SCG2: variants seen among roughly 807,000 people sequenced by gnomAD.
The protein encoded by SCG2 is secretogranin II.
Under a neutral mutation model 49.5 loss-of-function variants are expected in SCG2, and 23 were observed. That is an observed-to-expected ratio of 0.46 (90% CI 0.33 to 0.66). The LOEUF (loss-of-function observed/expected upper bound fraction) is 0.66, where lower values mean the gene tolerates loss of function less well. Ranked by LOEUF, SCG2 falls within the 30% of genes least tolerant of loss-of-function variation. SCG2 has a pLI of 0.01. For synonymous variants in SCG2, 288 were observed against 260.4 expected, an observed-to-expected ratio of 1.11 and a Z score of -1.02; for missense variants, 730 against 728.2, an observed-to-expected ratio of 1.00 and a Z score of -0.03.
Position 223,598,738 on chromosome 2 carries a change from G to C in SCG2, c.545C>G (p.Thr182Arg). ...ENSRDNPFKR[T>R]NEIVEEQYTP... ...ATATTGTTCCTCCACTATTTCATTT[G>C]TGCGTTTAAAGGGGTTATCCCTGGA... The change falls in exon 2 of 2, where the codon ACA (threonine) becomes AGA (arginine). Residue 182 changes from threonine (T) to arginine (R), a missense_variant. By Grantham distance (71) the Thr-to-Arg change is moderately conservative. Transcript: ENST00000305409. 3 of 1,613,736 alleles carry C rather than the reference G, an allele frequency of 1.9e-6. No homozygotes were observed. The highest frequency in any genetic ancestry group is 2.5e-6 in the Non-Finnish European group (3 of 1,180,032).
chr2:223,597,259 T>C lies in SCG2; in HGVS notation c.*170A>G, dbSNP rs529566534. The stretch of plus-strand genomic sequence containing the variant: ...CATTTACACATATCCATACACAAGA[T>C]AACAGCTCAGAGGAAATGAAGCAGA... On this transcript the variant is annotated 3_prime_UTR_variant, in exon 2 of 2. Transcript: ENST00000305409. 4 of 728,418 alleles carry C rather than the reference T, an allele frequency of 5.5e-6. No homozygotes were observed. The South Asian group carries it at 8.0e-5, about 15-fold the overall frequency. The allele number at this position is 728,418 out of a possible 1,614,324, so 45.1% of individuals were successfully genotyped here.
At chr2:223,600,785 T>C (rs1333558995) in intron 1 of SCG2, among the ~76,000 whole-genome samples, 1 of 152,124 alleles carries the variant, frequency 6.6e-6, no homozygotes, top group East Asian at 1.9e-4. Context: ...ACTTAATTTA[T>C]TGAAAGAAAC....
At position 223,598,034 on chromosome 2, in the gene SCG2, T is replaced by C. The variant is rs760502848; in HGVS notation, c.1249A>G (p.Lys417Glu). 3.1e-6 allele frequency: 5 copies of C among 1,611,152 alleles called. No individual in the cohort carries two copies. In the Admixed American group the frequency reaches 5.0e-5, roughly 16 times the overall value. ...NRMLSKSGYPKTPGRAGTEAL... is the reference protein window; with the variant it reads ...NRMLSKSGYPETPGRAGTEAL... Reference sequence around the variant, plus strand: ...TCAGTCCCAGCACGACCAGGTGTTTTAGGGTAGCCACTCTTGGAGAGCATC... The same window carrying C: ...TCAGTCCCAGCACGACCAGGTGTTTCAGGGTAGCCACTCTTGGAGAGCATC... Residue 417 changes from lysine to glutamate, a missense_variant, in exon 2 of 2, where the codon AAA becomes GAA. Lys to Glu is a moderately conservative substitution (Grantham distance 56). Coordinates refer to ENST00000305409, the MANE Select transcript of SCG2 (RefSeq NM_003469.5).
rs762257719 is a variant in SCG2, at chr2:223,598,746, A to C, written c.537T>G (p.Phe179Leu). ...MYEENSRDNP[F>L]KRTNEIVEEQ... ...CCTCCACTATTTCATTTGTGCGTTT[A>C]AAGGGGTTATCCCTGGAATTCTCTT... Residue 179 changes from phenylalanine to leucine, a missense_variant, in exon 2 of 2, where the codon TTT (phenylalanine) becomes TTG (leucine). Phe to Leu is a conservative substitution (Grantham distance 22). Coordinates refer to ENST00000305409, the MANE Select transcript of SCG2 (RefSeq NM_003469.5). 18 of 1,613,702 alleles carry C rather than the reference A, an allele frequency of 1.1e-5. 1 individual carries two copies. Among genetic ancestry groups the C allele is most frequent in the Non-Finnish European group, 1.5e-5 (18 of 1,180,026 alleles).
Position 223,598,336 on chromosome 2 carries a change from C to A in SCG2, c.947G>T (p.Arg316Met), listed in dbSNP as rs528005767. The A allele has an allele frequency of 2.5e-6, 4 of 1,614,074 alleles. No individual in the cohort carries two copies. Among genetic ancestry groups the A allele is most frequent in the Non-Finnish European group, 3.4e-6 (4 of 1,180,040 alleles). Reference protein sequence around the residue: ...DVSKVIAYLKRLVNAAGSGRL... With the variant: ...DVSKVIAYLKMLVNAAGSGRL... ...CCCACTTCCTGCAGCATTTACTAAC[C>A]TTTTCAAATAGGCAATTACTTTGGA... Residue 316 changes from arginine (R) to methionine (M), a missense_variant, in exon 2 of 2, where the codon AGG becomes ATG. By Grantham distance (91) the Arg-to-Met change is moderately conservative. Transcript: ENST00000305409.
intron 1 of SCG2, among the ~76,000 whole-genome samples, chr2:223,600,243 T>A (rs1457087592): frequency 1.3e-5 from 2 of 152,182 alleles, no homozygotes; most frequent in African/African-American, 4.8e-5. Context: ...GTGTTCAGAT[T>A]CAGTTTGTCT....
chr2:223,599,704 G>A (rs1691360554), intron 1 of SCG2, among the ~76,000 whole-genome samples: 3 of 152,130 alleles, frequency 2.0e-5, no homozygotes, highest in African/African-American at 4.8e-5. Context: ...GCAAAATAAT[G>A]TGTTGGCTTA....
At chr2:223,600,127 A>C (rs757548643) in intron 1 of SCG2, among the ~76,000 whole-genome samples, 1 of 152,154 alleles carries the variant, frequency 6.6e-6, no homozygotes, top group Non-Finnish European at 1.5e-5. Flanking sequence ...GCAAAATGCA[A>C]TTGTGGTTAT....
Position 223,597,149 on chromosome 2 carries a change from C to T in SCG2, c.*280G>A. 3.6e-6 allele frequency: 1 copy of T among 274,854 alleles called. No homozygotes were observed. The highest frequency in any genetic ancestry group is 4.8e-5 in the Admixed American group (1 of 20,766). The allele number at this position is 274,854 out of a possible 1,614,324, so 17.0% of individuals were successfully genotyped here. ...TCATATGTGAGCATCAACAATGCCA[C>T]AGCCATTAGATATACTATTAAACAC... On this transcript the variant is annotated 3_prime_UTR_variant, in exon 2 of 2. Coordinates refer to ENST00000305409, the MANE Select transcript of SCG2 (RefSeq NM_003469.5).
Position 223,598,547 on chromosome 2 carries a change from C to T in SCG2, c.736G>A (p.Gly246Arg), listed in dbSNP as rs750106930. The T allele has an allele frequency of 1.1e-5, 18 of 1,613,882 alleles. No homozygotes were observed. The highest frequency in any genetic ancestry group is 5.3e-5 in the African/African-American group (4 of 74,908). The change falls in exon 2 of 2, where the codon GGG becomes AGG. Residue 246 changes from glycine (G) to arginine (R), a missense_variant. Transcript: ENST00000305409. ...ANNIAYEDVV[G>R]GEDWNPVEEK... ...TCTACTGGGTTCCAGTCTTCTCCCC[C>T]GACCACATCTTCATAGGCAATGTTA...
Position 223,599,235 on chromosome 2 carries a change from G to A in SCG2, c.48C>T (p.Ile16=), listed in dbSNP as rs768170285. 1 of 1,605,186 alleles carries A rather than the reference G, an allele frequency of 6.2e-7. No individual in the cohort carries two copies. Among genetic ancestry groups the A allele is most frequent in the Non-Finnish European group, 8.5e-7 (1 of 1,172,432 alleles). The change falls in exon 2 of 2, where the codon ATC becomes ATT. Residue 16 remains isoleucine (I), a synonymous_variant. Transcript: ENST00000305409. ...THWLGAALSL[I]PLIFLISGAE... ...CCCCAGAGATGAGGAAAATTAAAGGGATAAGAGACAGGGCTGCTCCAAGCC... is the reference window on the plus strand; with the variant it reads ...CCCCAGAGATGAGGAAAATTAAAGGAATAAGAGACAGGGCTGCTCCAAGCC...
In SCG2 at chr2:223,598,524, T is replaced by C; in HGVS notation, c.759A>G (p.Val253=). ...DVVGGEDWNP[V]EEKIESQTQE... ...GGGTTTGACTCTCTATTTTCTCCTC[T>C]ACTGGGTTCCAGTCTTCTCCCCCGA... Residue 253 remains valine, a synonymous_variant, in exon 2 of 2, where the codon GTA becomes GTG. Coordinates refer to ENST00000305409, the MANE Select transcript of SCG2 (RefSeq NM_003469.5). 1 of 1,614,016 alleles carries C rather than the reference T, an allele frequency of 6.2e-7. No individual in the cohort carries two copies. The highest frequency in any genetic ancestry group is 8.5e-7 in the Non-Finnish European group (1 of 1,180,028).
chr2:223,597,723 A>C lies in SCG2; in HGVS notation c.1560T>G (p.Asn520Lys). 1 of 1,614,126 alleles carries C rather than the reference A, an allele frequency of 6.2e-7. No individual in the cohort carries two copies. Among genetic ancestry groups the C allele is most frequent in the Non-Finnish European group, 8.5e-7 (1 of 1,180,026 alleles). Residue 520 changes from asparagine to lysine, a missense_variant, in exon 2 of 2, where the codon AAT (asparagine) becomes AAG (lysine). Coordinates refer to ENST00000305409, the MANE Select transcript of SCG2 (RefSeq NM_003469.5). ...RMLVKYPEII[N>K]SNQVKRVPGQ... ...CAGGAACTCGCTTCACTTGGTTTGA[A>C]TTAATGATCTCAGGGTATTTAACTA... is the stretch of plus-strand genomic sequence containing the variant.
intron 1 of SCG2, among the ~76,000 whole-genome samples, chr2:223,599,651 C>T (rs1691359614): frequency 2.0e-5 from 3 of 152,162 alleles, no homozygotes; most frequent in Admixed American, 2.0e-4. Flanking sequence ...GCAGCAAATA[C>T]TTCCCAAGAT....
chr2:223,599,219 T>C lies in SCG2; in HGVS notation c.64A>G (p.Ile22Val), dbSNP rs1164311450. The C allele has an allele frequency of 1.2e-6, 2 of 1,608,872 alleles. No homozygotes were observed. Among genetic ancestry groups the C allele is most frequent in the African/African-American group, 2.7e-5 (2 of 74,852 alleles). The change falls in exon 2 of 2, where the codon ATC (isoleucine) becomes GTC (valine). Residue 22 changes from isoleucine to valine, a missense_variant. Transcript: ENST00000305409. ...ALSLIPLIFL[I>V]SGAEAASFQR... is the part of the protein sequence containing the mutation. ...AATGAAGCTGCTTCAGCCCCAGAGA[T>C]GAGGAAAATTAAAGGGATAAGAGAC...
chr2:223,598,767 C>T lies in SCG2; in HGVS notation c.516G>A (p.Glu172=), dbSNP rs1691343901. The T allele has an allele frequency of 6.2e-7, 1 of 1,613,822 alleles. No homozygotes were observed. Among genetic ancestry groups the T allele is most frequent in the African/African-American group, 1.3e-5 (1 of 74,912 alleles). The change falls in exon 2 of 2, where the codon GAG becomes GAA. Residue 172 remains glutamate (E), a synonymous_variant. Transcript: ENST00000305409. ...KHMQFPPMYE[E]NSRDNPFKRT... is the part of the protein sequence containing the mutation. The stretch of plus-strand genomic sequence containing the variant: ...GTTTAAAGGGGTTATCCCTGGAATT[C>T]TCTTCATACATAGGAGGGAATTGCA...
rs765315165 is a variant in SCG2 at position 223,598,273 on chromosome 2, C to A, written c.1010G>T (p.Arg337Met). ...AGAATCAAGAGGTTTCTCAAAAAGC[C>A]TGGTGGCCCTTTCCCCATTTTGCCC... The part of the protein sequence containing the change: ...QNGQNGERAT[R>M]LFEKPLDSQS... Residue 337 changes from arginine (R) to methionine (M), a missense_variant, in exon 2 of 2, where the codon AGG (arginine) becomes ATG (methionine). Coordinates refer to ENST00000305409, the MANE Select transcript of SCG2 (RefSeq NM_003469.5). The A allele has an allele frequency of 4.3e-6, 7 of 1,614,158 alleles. No homozygotes were observed. The highest frequency in any genetic ancestry group is 5.9e-6 in the Non-Finnish European group (7 of 1,180,024).
chr2:223,601,523 A>G (rs1384762151), intron 1 of SCG2, among the ~76,000 whole-genome samples: 1 of 152,186 alleles, frequency 6.6e-6, no homozygotes, highest in Non-Finnish European at 1.5e-5. Flanking sequence ...TCCTCTTTAA[A>G]TCAAATTATA....
rs1473106112 is a variant in SCG2, at chr2:223,602,307, G to A, written c.-37C>T. On this transcript the variant is annotated 5_prime_UTR_variant, in exon 1 of 2. Coordinates refer to ENST00000305409, the MANE Select transcript of SCG2 (RefSeq NM_003469.5). Reference sequence around the variant, plus strand: ...TACCTCTTTTTGTTTATATGGCAGAGGAGCTCCACAGCATATTCCTCCCCG... The same window carrying A: ...TACCTCTTTTTGTTTATATGGCAGAAGAGCTCCACAGCATATTCCTCCCCG... 6.6e-6 allele frequency: 1 copy of A among 151,962 alleles called. No individual in the cohort carries two copies. Among genetic ancestry groups the A allele is most frequent in the East Asian group, 1.9e-4 (1 of 5,184 alleles). 9.4% of individuals were successfully genotyped at this position (151,962 alleles called of 1,614,324 possible).
Sources: gnomAD v4.1 joint callset for allele counts (sites outside exome capture counted in the v4.1 genomes callset) on GRCh38, gnomAD v4.1.1 for gene constraint, MANE v1.5 for transcripts, NCBI Gene and HGNC (gene_info 2026-07-23, HGNC 2026-07-21) for gene names.